Variants in APP observed in about 807,000 individuals in gnomAD.
APP encodes the protein amyloid-beta precursor protein.
APP carries 31 observed loss-of-function variants against 101.4 expected under a neutral mutation model. That is an observed-to-expected ratio of 0.31 (90% confidence interval 0.23 to 0.41). APP has a LOEUF of 0.41. Among genes scored for constraint, APP ranks in the 10% least tolerant of loss-of-function variants. The probability of loss-of-function intolerance (pLI) is 1.00; values close to 1 mark genes in which losing one functional copy is unlikely to be tolerated. For synonymous variants in APP, 366 were observed against 364.4 expected, an observed-to-expected ratio of 1.00 and a Z score of -0.05; for missense variants, 839 against 1,003.7, an observed-to-expected ratio of 0.84 and a Z score of 2.22.
At chr21:26,103,468 C>T (rs1292675013) in intron 2 of APP, among the ~76,000 whole-genome samples, 3 of 44 alleles carry the variant, frequency 0.068, no homozygotes, top group African/African-American at 0.3. Context: ...CATGTGGTGG[C>T]GTGCACCTTG....
rs986373038 is a variant in APP, at chr21:25,880,568, T to C, written c.*1102A>G. 1 of 152,232 alleles carries C rather than the reference T, an allele frequency of 6.6e-6. No individual in the cohort carries two copies. The highest frequency in any genetic ancestry group is 1.5e-5 in the Non-Finnish European group (1 of 68,046). The allele number at this position is 152,232 out of a possible 1,614,324, so 9.4% of individuals were successfully genotyped here. A position where few individuals can be genotyped will look rare whatever the true frequency, so the allele number is the denominator to read the frequency against. The stretch of plus-strand genomic sequence containing the variant: ...ACAATGGTGCTCCTCCAAGAATGTA[T>C]TTATTTACATGAAAACACCATTTTA... On this transcript the variant is annotated 3_prime_UTR_variant, in exon 18 of 18. Coordinates refer to ENST00000346798, the MANE Select transcript of APP (RefSeq NM_000484.4).
At chr21:25,888,122 G>A (rs2037459958) in intron 17 of APP, among the ~76,000 whole-genome samples, 1 of 152,186 alleles carries the variant, frequency 6.6e-6, no homozygotes, top group South Asian at 2.1e-4. Flanking sequence ...ACTGAGGTGA[G>A]TCCAACTGGA....
chr21:25,975,256 G>C (rs1169806633), intron 10 of APP, 28 bp from the exon 11 acceptor site: 2 of 1,614,008 alleles, frequency 1.2e-6, no homozygotes, highest in Non-Finnish European at 8.5e-7. Flanking sequence ...TATGTCCATG[G>C]GGACTGAATA....
At chr21:26,089,785 C>A in intron 3 of APP, 158 bp downstream of exon 3, 1 of 1,098,262 alleles carries the variant, frequency 9.1e-7, no homozygotes, top group Admixed American at 2.0e-5. Flanking sequence ...AGGGTCAGTG[C>A]ACAGAATGTA....
At chr21:26,111,881 T>G (rs2062332443) in intron 2 of APP, 98 bp downstream of exon 2, 1 of 1,296,876 alleles carries the variant, frequency 7.7e-7, no homozygotes, top group Non-Finnish European at 1.1e-6. Flanking sequence ...ATTTTTACTG[T>G]AGGGTTAAAA....
rs45621037 is a variant in APP, at chr21:25,981,949, G to A, written c.1224+395C>T. 2.9e-3 allele frequency among the ~76,000 whole-genome samples: 437 copies of A among 152,192 alleles called. 3 individuals are homozygous for A. In the East Asian group the frequency reaches 0.041, roughly 14 times the overall value. On this transcript the variant is annotated intron_variant, in intron 9 of 17. Coordinates refer to ENST00000346798, the MANE Select transcript of APP (RefSeq NM_000484.4). ...ATGATTTTACAGACTGTAAACAATC[G>A]TAGGTTCACAATTATAACAGTCTGG...
Position 25,999,959 on chromosome 21 carries a change from A to C in APP, c.1033+56T>G, listed in dbSNP as rs2043217252. 2.1e-5 allele frequency: 34 copies of C among 1,583,536 alleles called. 1 individual carries two copies. Among genetic ancestry groups the C allele is most frequent in the South Asian group, 2.1e-4 (19 of 88,862 alleles). Reference sequence around the variant, plus strand: ...GGAAAATCAATCTGTTACAAAAAGCAGAGTCAGTGGCGAGAGAGACGAAAG... The same window carrying C: ...GGAAAATCAATCTGTTACAAAAAGCCGAGTCAGTGGCGAGAGAGACGAAAG... On this transcript the variant is annotated intron_variant, in intron 7 of 17. Transcript: ENST00000346798.
rs1601616223 is a variant in APP, at chr21:26,169,646, C to T, written c.57+918G>A. 2.0e-5 allele frequency among the ~76,000 whole-genome samples: 3 copies of T among 152,252 alleles called. No homozygotes were observed. The East Asian group carries it at 5.8e-4, about 29-fold the overall frequency. On this transcript the variant is annotated intron_variant, in intron 1 of 17. Transcript: ENST00000346798. ...CCAGAAGCCCCGGCAGCGTCTCTGC[C>T]CCCTCCCAGGCGGACGCGCAGCCCC... is the stretch of plus-strand genomic sequence containing the variant.
chr21:25,931,283 C>T (rs1473989709), intron 13 of APP, among the ~76,000 whole-genome samples: 2 of 152,144 alleles, frequency 1.3e-5, no homozygotes, highest in Non-Finnish European at 2.9e-5. Context: ...CTAGCAGATA[C>T]AAGTGCATGT....
Position 25,982,551 on chromosome 21 carries a change from A to C in APP, c.1091-74T>G, listed in dbSNP as rs914617703. ...CAGAATAATCCACTCGTTTAATAGAAAGCCGTATTTTCAGTTATTTCTCAG... is the reference window on the plus strand; with the variant it reads ...CAGAATAATCCACTCGTTTAATAGACAGCCGTATTTTCAGTTATTTCTCAG... On this transcript the variant is annotated intron_variant, in intron 8 of 17. Transcript: ENST00000346798. 5 of 1,445,208 alleles carry C rather than the reference A, an allele frequency of 3.5e-6. No homozygotes were observed. In the Admixed American group the frequency reaches 5.4e-5, roughly 15 times the overall value. 89.5% of individuals were successfully genotyped at this position (1,445,208 alleles called of 1,614,324 possible).
chr21:26,136,483 C>T (rs1047788092), intron 1 of APP, among the ~76,000 whole-genome samples: 2 of 152,036 alleles, frequency 1.3e-5, no homozygotes, highest in South Asian at 4.2e-4. Flanking sequence ...GTGTTTTGCT[C>T]CCTAAGGAAA....
At chr21:25,958,559 G>GA (rs1555903603) in intron 11 of APP, among the ~76,000 whole-genome samples, 2 of 108 alleles carry the variant, frequency 0.019, no homozygotes, top group Non-Finnish European at 0.034. Flanking sequence ...TTACAGGCGT[G>GA]CGACCAGTGC....
At chr21:26,124,075 C>T (rs1432337565) in intron 1 of APP, among the ~76,000 whole-genome samples, 2 of 151,910 alleles carry the variant, frequency 1.3e-5, no homozygotes, top group African/African-American at 4.8e-5. Context: ...CTGACTCTCT[C>T]ACTCCCACAT....
intron 5 of APP, among the ~76,000 whole-genome samples, chr21:26,022,297 T>A (rs1238459037): frequency 6.6e-6 from 1 of 151,898 alleles, no homozygotes; most frequent in East Asian, 1.9e-4. Context: ...AAAGGGAAAA[T>A]TACGGAGACA....
At chr21:26,139,312 T>C (rs1254616625) in intron 1 of APP, among the ~76,000 whole-genome samples, 1 of 152,162 alleles carries the variant, frequency 6.6e-6, no homozygotes. Context: ...TATAAGCTCA[T>C]TATCAAATAA....
At chr21:25,955,805 C>T in intron 11 of APP, 50 bp from the exon 12 acceptor site, 1 of 1,613,128 alleles carries the variant, frequency 6.2e-7, no homozygotes, top group Non-Finnish European at 8.5e-7. Context: ...CAAAACACTG[C>T]TTCTTCCATT....
chr21:25,971,638 T>C (rs2042036515), intron 11 of APP, among the ~76,000 whole-genome samples: 1 of 152,128 alleles, frequency 6.6e-6, no homozygotes, highest in Admixed American at 6.5e-5. Context: ...AGCTGAGTAA[T>C]GATGGGTACA....
At position 26,088,465 on chromosome 21, in the gene APP, T is replaced by C. The variant is rs552053102; in HGVS notation, c.355+1478A>G. Reference sequence around the variant, plus strand: ...AGCTTACATTCTAATGAAAATATATTTGGAATACTTCATAGAACAGGTAAG... The same window carrying C: ...AGCTTACATTCTAATGAAAATATATCTGGAATACTTCATAGAACAGGTAAG... On this transcript the variant is annotated intron_variant, in intron 3 of 17. Transcript: ENST00000346798. Among the ~76,000 whole-genome samples the C allele has an allele frequency of 3.3e-5, 5 of 152,306 alleles. 1 individual carries two copies. The highest frequency in any genetic ancestry group is 3.3e-4 in the Admixed American group (5 of 15,298).
chr21:26,170,336 G>A (rs1276662877), intron 1 of APP, among the ~76,000 whole-genome samples: 1 of 152,140 alleles, frequency 6.6e-6, no homozygotes, highest in Non-Finnish European at 1.5e-5. Context: ...GAACCAGGGA[G>A]ACCAGCGCCT....
Sources: gnomAD v4.1 joint callset for allele counts (sites outside exome capture counted in the v4.1 genomes callset) on GRCh38, gnomAD v4.1.1 for gene constraint, MANE v1.5 for transcripts, NCBI Gene and HGNC (gene_info 2026-07-23, HGNC 2026-07-21) for gene names.